GSG1L: variants seen among roughly 807,000 people sequenced by gnomAD.
The protein encoded by GSG1L is GSG1 like.
A neutral mutation model predicts 42.1 loss-of-function variants in GSG1L; 24 were observed. The observed-to-expected ratio is 0.57, with a 90% CI of 0.41 to 0.80. The LOEUF is 0.80. Ranked by LOEUF, GSG1L falls within the 30% of genes least tolerant of loss-of-function variation. The pLI is 0.00. For synonymous variants in GSG1L, 215 were observed against 203.5 expected, an observed-to-expected ratio of 1.06 and a Z score of -0.48; for missense variants, 445 against 472.2, an observed-to-expected ratio of 0.94 and a Z score of 0.53.
intron 2 of GSG1L, among the ~76,000 whole-genome samples, chr16:27,934,150 C>T (rs975480369): frequency 4.6e-5 from 7 of 152,200 alleles, no homozygotes; most frequent in African/African-American, 1.7e-4. Flanking sequence ...TTGCAAGGGC[C>T]ACTCCCCGCC....
At chr16:27,829,250 C>T (rs769330272) in intron 4 of GSG1L, among the ~76,000 whole-genome samples, 1 of 152,162 alleles carries the variant, frequency 6.6e-6, no homozygotes, top group Non-Finnish European at 1.5e-5. Flanking sequence ...ACCCAAAATA[C>T]AGCGACACTT....
At chr16:27,828,209 TCTC>T (rs2083235556) in intron 5 of GSG1L, among the ~76,000 whole-genome samples, 1 of 151,628 alleles carries the variant, frequency 6.6e-6, no homozygotes, top group Admixed American at 6.6e-5. Flanking sequence ...ATCCACTCAC[TCTC>T]CTATTGATCC....
intron 3 of GSG1L, among the ~76,000 whole-genome samples, chr16:27,877,194 G>C (rs1199090150): frequency 6.6e-6 from 1 of 152,066 alleles, no homozygotes; most frequent in African/African-American, 2.4e-5. Flanking sequence ...CACAAGACTT[G>C]GGGGGAGTGG....
At chr16:27,863,018 G>A (rs970715356) in intron 3 of GSG1L, among the ~76,000 whole-genome samples, 3 of 151,590 alleles carry the variant, frequency 2.0e-5, no homozygotes, top group African/African-American at 7.3e-5. Context: ...TCACTTTTTT[G>A]TCTGTTTCTC....
chr16:28,008,478 G>A (rs774392451), intron 1 of GSG1L, among the ~76,000 whole-genome samples: 16 of 152,180 alleles, frequency 1.1e-4, no homozygotes, highest in Non-Finnish European at 2.1e-4. Context: ...CATGACACCT[G>A]GCCAAGGCTG....
chr16:27,844,407 C>T (rs1402257185), intron 4 of GSG1L, among the ~76,000 whole-genome samples: 1 of 152,114 alleles, frequency 6.6e-6, no homozygotes, highest in Non-Finnish European at 1.5e-5. Flanking sequence ...CTCCACAGCT[C>T]GCCTAACTTC....
chr16:27,892,903 C>T (rs972695605), intron 2 of GSG1L, among the ~76,000 whole-genome samples: 5 of 152,024 alleles, frequency 3.3e-5, no homozygotes, highest in South Asian at 4.2e-4. Context: ...ATTAAACATT[C>T]GGGAACCAAT....
Position 28,063,199 on chromosome 16 carries a change from C to A in GSG1L, c.226G>T (p.Ala76Ser), listed in dbSNP as rs1422815571. 3 of 1,288,946 alleles carry A rather than the reference C, an allele frequency of 2.3e-6. No individual in the cohort carries two copies. The highest frequency in any genetic ancestry group is 1.6e-5 in the African/African-American group (1 of 63,602). The allele number at this position is 1,288,946 out of a possible 1,614,324, so 79.8% of individuals were successfully genotyped here. A position where few individuals can be genotyped will look rare whatever the true frequency, so the allele number is the denominator to read the frequency against. Reference sequence around the variant, plus strand: ...CCGCCAGGGGGGCCGTTCCCCGAGGCGGTGGCGGCGGCGGCGGCGGCGGCG... The same window carrying A: ...CCGCCAGGGGGGCCGTTCCCCGAGGAGGTGGCGGCGGCGGCGGCGGCGGCG... Reference protein sequence around the residue: ...APAAAAAAATASGNGPPGGAL... With the variant: ...APAAAAAAATSSGNGPPGGAL... Residue 76 changes from alanine to serine, a missense_variant, in exon 1 of 7, where the codon GCC (alanine) becomes TCC (serine). Physicochemically the swap from Ala to Ser is moderately conservative, Grantham distance 99 (BLOSUM62 1). Coordinates refer to ENST00000447459, the MANE Select transcript of GSG1L (RefSeq NM_001109763.2). The surrounding 1 kb of genome is among the most constrained non-coding windows in gnomAD (Gnocchi z 5.8).
chr16:27,931,060 T>G (rs1049357110), intron 2 of GSG1L, among the ~76,000 whole-genome samples: 1 of 152,168 alleles, frequency 6.6e-6, no homozygotes, highest in African/African-American at 2.4e-5. Flanking sequence ...CCAGCTCTTT[T>G]CTTGAGCTGC....
At chr16:27,803,939 TTAGA>T (rs533737327) in intron 6 of GSG1L, among the ~76,000 whole-genome samples, 1 of 151,250 alleles carries the variant, frequency 6.6e-6, no homozygotes, top group African/African-American at 2.4e-5. Flanking sequence ...GATGGATAGA[TTAGA>T]TAGATGGTAA....
intron 2 of GSG1L, among the ~76,000 whole-genome samples, chr16:27,935,302 A>T (rs1460144892): frequency 6.7e-6 from 1 of 150,282 alleles, no homozygotes; most frequent in Non-Finnish European, 1.5e-5. Flanking sequence ...AGCCTTCCTG[A>T]GCTAGTCCCA....
chr16:27,900,071 A>G lies in GSG1L; in HGVS notation c.398-15433T>C, dbSNP rs556005032. Among the ~76,000 whole-genome samples, 4 of 152,290 alleles carry G rather than the reference A, an allele frequency of 2.6e-5. No individual in the cohort carries two copies. In the East Asian group the frequency reaches 7.7e-4, roughly 29 times the overall value. The stretch of plus-strand genomic sequence containing the variant: ...GTCTCCCCATCCTGAGCACTAATGC[A>G]ATTGTCCTTCCTCCTCAATCTCACC... On this transcript the variant is annotated intron_variant, in intron 2 of 6. Coordinates refer to ENST00000447459, the MANE Select transcript of GSG1L (RefSeq NM_001109763.2).
rs770106304 is a variant in GSG1L at position 27,870,665 on chromosome 16, C to T, written c.550+13821G>A. Among the ~76,000 whole-genome samples the T allele has an allele frequency of 9.2e-5, 14 of 151,650 alleles. 1 individual carries two copies. Among genetic ancestry groups the T allele is most frequent in the South Asian group, 8.3e-4 (4 of 4,820 alleles). ...AGGAGGTCCTGCCTCAAACCTCACACGCCCAGAATGCACCACTGTCCTCCT... is the reference window on the plus strand; with the variant it reads ...AGGAGGTCCTGCCTCAAACCTCACATGCCCAGAATGCACCACTGTCCTCCT... On this transcript the variant is annotated intron_variant, in intron 3 of 6. Coordinates refer to ENST00000447459, the MANE Select transcript of GSG1L (RefSeq NM_001109763.2).
rs2083034049 is a variant in GSG1L, at chr16:27,811,753, A to G, written c.831-4199T>C. ...AACTTCCACCTCCTGGGTTCACGCA[A>G]TTCTCCTGCCTCAGCCTCCCAAGTA... On this transcript the variant is annotated intron_variant, in intron 5 of 6. Coordinates refer to ENST00000447459, the MANE Select transcript of GSG1L (RefSeq NM_001109763.2). 2.6e-5 allele frequency among the ~76,000 whole-genome samples: 4 copies of G among 152,134 alleles called. No homozygotes were observed. The South Asian group carries it at 8.3e-4, about 32-fold the overall frequency.
chr16:27,994,203 A>C (rs770523764), intron 1 of GSG1L, among the ~76,000 whole-genome samples: 1 of 152,200 alleles, frequency 6.6e-6, no homozygotes, highest in African/African-American at 2.4e-5. Context: ...ACATAAGGAT[A>C]GGAGAAAGGC....
intron 1 of GSG1L, among the ~76,000 whole-genome samples, chr16:28,053,414 C>T (rs768155373): frequency 6.6e-6 from 1 of 152,174 alleles, no homozygotes; most frequent in African/African-American, 2.4e-5. Flanking sequence ...TGAAACGAAG[C>T]CCCCATCCTC....
At chr16:27,949,770 A>G (rs1431813823) in intron 2 of GSG1L, among the ~76,000 whole-genome samples, 1 of 152,076 alleles carries the variant, frequency 6.6e-6, no homozygotes, top group Non-Finnish European at 1.5e-5. Flanking sequence ...CTAAAAATAC[A>G]AAAAATTAGC....
chr16:27,920,743 A>G (rs1303979339), intron 2 of GSG1L, among the ~76,000 whole-genome samples: 1 of 152,184 alleles, frequency 6.6e-6, no homozygotes, highest in African/African-American at 2.4e-5. Flanking sequence ...CCTGTAATTA[A>G]ATCCCAGAAG....
rs920429765 is a variant in GSG1L at position 28,062,825 on chromosome 16, G to A, written c.349+251C>T. ...GGGAGCGTCCCCAAAGCCGCGGGGC[G>A]TCCGCAGCGGGTAGGAGCTCTGCCT... On this transcript the variant is annotated intron_variant, in intron 1 of 6. Transcript: ENST00000447459. 6.6e-5 allele frequency among the ~76,000 whole-genome samples: 10 copies of A among 152,294 alleles called. No individual in the cohort carries two copies. In the East Asian group the frequency reaches 1.9e-3, roughly 29 times the overall value.
Sources: gnomAD v4.1 joint callset for allele counts (sites outside exome capture counted in the v4.1 genomes callset) on GRCh38, gnomAD v4.1.1 for gene constraint, Gnocchi (gnomAD v3.1) non-coding constraint, MANE v1.5 for transcripts, NCBI Gene and HGNC (gene_info 2026-07-23, HGNC 2026-07-21) for gene names.